DENND1A: variants seen among roughly 807,000 people sequenced by gnomAD.
DENND1A encodes the protein DENN domain-containing protein 1A.
DENND1A carries 51 observed loss-of-function variants against 113.7 expected under a neutral mutation model. The observed-to-expected ratio is 0.45, with a 90% CI of 0.36 to 0.57. DENND1A has a LOEUF of 0.57. Among genes scored for constraint, DENND1A ranks in the 20% least tolerant of loss-of-function variants. The probability of loss-of-function intolerance (pLI) is 0.00; values close to 1 mark genes in which losing one functional copy is unlikely to be tolerated. For missense variants in DENND1A, 1,258 were observed against 1,395.9 expected (o/e 0.90, Z 1.57); for synonymous variants, 565 against 570.8 (o/e 0.99, Z 0.14).
At chr9:123,403,297 C>T (rs900399880) in intron 21 of DENND1A, 105 bp downstream of exon 21, 40 of 1,155,066 alleles carry the variant, frequency 3.5e-5, no homozygotes, top group African/African-American at 2.4e-4. Context: ...CTGGGAGCCC[C>T]GGGGAAGCCT....
chr9:123,668,569 G>A (rs558290824), intron 7 of DENND1A, among the ~76,000 whole-genome samples: 7 of 152,276 alleles, frequency 4.6e-5, no homozygotes, highest in South Asian at 2.1e-4. Flanking sequence ...CAGCTAGTAC[G>A]TGGCAGAATA....
chr9:123,531,976 T>C (rs1359244034), intron 13 of DENND1A, among the ~76,000 whole-genome samples: 1 of 152,148 alleles, frequency 6.6e-6, no homozygotes, highest in Non-Finnish European at 1.5e-5. Flanking sequence ...GCTTATAACA[T>C]GTGATGAATG....
At chr9:123,714,676 T>C (rs1006911828) in intron 5 of DENND1A, among the ~76,000 whole-genome samples, 1 of 152,106 alleles carries the variant, frequency 6.6e-6, no homozygotes, top group African/African-American at 2.4e-5. Context: ...TGCTCTAGCA[T>C]GAGAAAAACA....
intron 4 of DENND1A, 125 bp from the exon 5 acceptor site, chr9:123,757,947 C>T: frequency 4.8e-6 from 3 of 623,430 alleles, no homozygotes; most frequent in Non-Finnish European, 7.0e-6. Context: ...AAAATTTACA[C>T]ATTTCAAGGG....
chr9:123,921,096 CAAAA>C (rs529043491), intron 1 of DENND1A, among the ~76,000 whole-genome samples: 2 of 151,260 alleles, frequency 1.3e-5, no homozygotes, highest in African/African-American at 4.9e-5. Flanking sequence ...AAAACAAAAC[CAAAA>C]AAAACTGTAA....
intron 13 of DENND1A, among the ~76,000 whole-genome samples, chr9:123,512,502 T>G (rs938189538): frequency 1.3e-5 from 2 of 152,158 alleles, no homozygotes; most frequent in Non-Finnish European, 2.9e-5. Context: ...GAGAGGTGAG[T>G]GTCCTCCTCA....
chr9:123,929,026 A>T, intron 1 of DENND1A: 2 of 551,266 alleles, frequency 3.6e-6, no homozygotes, highest in Non-Finnish European at 4.6e-6. Context: ...GGGAGAGGCC[A>T]CAAGAGGACC....
At chr9:123,622,343 A>C (rs2061003347) in intron 10 of DENND1A, among the ~76,000 whole-genome samples, 1 of 152,236 alleles carries the variant, frequency 6.6e-6, no homozygotes, top group Non-Finnish European at 1.5e-5. Context: ...ATTTAGGACT[A>C]CTTCTGAAGG....
chr9:123,742,237 A>AG (rs1391957281), intron 5 of DENND1A, among the ~76,000 whole-genome samples: 1 of 122,480 alleles, frequency 8.2e-6, no homozygotes, highest in Non-Finnish European at 1.8e-5. Flanking sequence ...AAAGCATGGG[A>AG]AAAAAAAAAA....
At chr9:123,584,477 C>A (rs999500778) in intron 11 of DENND1A, among the ~76,000 whole-genome samples, 1 of 152,206 alleles carries the variant, frequency 6.6e-6, no homozygotes, top group Admixed American at 6.5e-5. Context: ...TTTCCTAATT[C>A]ACCCCAGAGC....
At chr9:123,814,062 A>G (rs992844990) in intron 2 of DENND1A, among the ~76,000 whole-genome samples, 13 of 152,242 alleles carry the variant, frequency 8.5e-5, no homozygotes, top group African/African-American at 3.1e-4. Context: ...ACATAATGTT[A>G]CATTTACCAT....
intron 13 of DENND1A, among the ~76,000 whole-genome samples, chr9:123,505,922 C>A (rs1431463391): frequency 1.3e-5 from 2 of 152,126 alleles, no homozygotes; most frequent in Non-Finnish European, 2.9e-5. Context: ...GCCCTGTGAT[C>A]AAGAGGAGCA....
At chr9:123,902,161 T>TCACACACA (rs1232745098) in intron 1 of DENND1A, among the ~76,000 whole-genome samples, 3 of 128,154 alleles carry the variant, frequency 2.3e-5, no homozygotes, top group South Asian at 2.4e-4. Context: ...TACTCATGGG[T>TCACACACA]CACACACACA....
chr9:123,435,868 T>C (rs7044960), intron 19 of DENND1A, among the ~76,000 whole-genome samples: 89,095 of 152,138 alleles, frequency 0.59, 27,907 homozygotes, highest in Middle Eastern at 0.71. Flanking sequence ...TGCCTCCTCA[T>C]GTGTACGATG....
intron 13 of DENND1A, among the ~76,000 whole-genome samples, chr9:123,472,174 T>G (rs765184127): frequency 2.4e-4 from 37 of 152,252 alleles, no homozygotes; most frequent in Admixed American, 1.0e-3. Context: ...GGGCATCATG[T>G]CTTGGATGGG....
intron 2 of DENND1A, among the ~76,000 whole-genome samples, chr9:123,804,907 T>G (rs945426573): frequency 1.3e-5 from 2 of 152,198 alleles, no homozygotes; most frequent in Admixed American, 1.3e-4. Context: ...AGAGGAATCC[T>G]GTAAAACTCA....
intron 8 of DENND1A, among the ~76,000 whole-genome samples, chr9:123,654,030 C>T (rs1342097208): frequency 1.3e-5 from 2 of 152,168 alleles, no homozygotes; most frequent in East Asian, 3.8e-4. Context: ...ACCACACCAA[C>T]TTGCCTCTTA....
chr9:123,806,900 TC>T (rs1327176171), intron 2 of DENND1A, among the ~76,000 whole-genome samples: 1 of 152,216 alleles, frequency 6.6e-6, no homozygotes, highest in Non-Finnish European at 1.5e-5. Context: ...ATGTCCTCAC[TC>T]TATACCCTAG....
Position 123,930,040 on chromosome 9 carries a change from G to A in DENND1A, c.-135C>T, listed in dbSNP as rs1857765708. On this transcript the variant is annotated 5_prime_UTR_variant, in exon 1 of 24. Coordinates refer to ENST00000394215, the MANE Select transcript of DENND1A (RefSeq NM_001352964.2). ...CCCTCAGGCTGGGGCCCGCCCGCTC[G>A]AGGCTCGCTCCCTCGCCGCCGCCGC... 1 of 215,598 alleles carries A rather than the reference G, an allele frequency of 4.6e-6. No homozygotes were observed. Among genetic ancestry groups the A allele is most frequent in the African/African-American group, 2.4e-5 (1 of 42,038 alleles). 13.4% of individuals were successfully genotyped at this position (215,598 alleles called of 1,614,324 possible).
Sources: allele counts gnomAD v4.1 joint callset (sites outside exome capture counted in the v4.1 genomes callset), GRCh38; gene constraint gnomAD v4.1.1; transcripts MANE v1.5; gene names NCBI Gene and HGNC (gene_info 2026-07-23, HGNC 2026-07-21).